The following CDH3 variants were observed in gnomAD, a reference collection of about 807,000 sequenced individuals.
CDH3 encodes cadherin 3, also known as cadherin-3.
In CDH3, 54 loss-of-function variants were observed where a neutral mutation model predicts 82.0. The ratio of observed to expected loss-of-function variants is 0.66; its 90% confidence interval spans 0.53 to 0.83. The LOEUF (loss-of-function observed/expected upper bound fraction) is 0.83, where lower values mean the gene tolerates loss of function less well. Among genes scored for constraint, CDH3 ranks in the 40% least tolerant of loss-of-function variants. The pLI is 0.00. For synonymous variants in CDH3, 446 were observed against 437.9 expected, an observed-to-expected ratio of 1.02 and a Z score of -0.23; for missense variants, 1,054 against 1,084.6, an observed-to-expected ratio of 0.97 and a Z score of 0.40.
Position 68,681,103 on chromosome 16 carries a change from C to T in CDH3, c.996+7C>T. The T allele has an allele frequency of 6.2e-7, 1 of 1,613,764 alleles. No homozygotes were observed. The highest frequency in any genetic ancestry group is 8.5e-7 in the Non-Finnish European group (1 of 1,179,850). Reference sequence around the variant, plus strand: ...CATGTTTGACCCCCAGAAGGTAATGCCCCTTCCTCACTCAGTCCCTCATCA... The same window carrying T: ...CATGTTTGACCCCCAGAAGGTAATGTCCCTTCCTCACTCAGTCCCTCATCA... On this transcript the variant is annotated splice_region_variant and intron_variant, in intron 8 of 15. Transcript: ENST00000264012.
intron 2 of CDH3, among the ~76,000 whole-genome samples, chr16:68,670,223 CAAA>C (rs71148932): frequency 1.8e-4 from 16 of 90,982 alleles, no homozygotes; most frequent in Middle Eastern, 5.7e-3. Flanking sequence ...GACTCTGTCT[CAAA>C]AAAAAAAAAA....
intron 2 of CDH3, among the ~76,000 whole-genome samples, chr16:68,649,959 A>G (rs1960190916): frequency 1.3e-5 from 2 of 152,166 alleles, no homozygotes; most frequent in South Asian, 4.1e-4. Context: ...GCTTGAGCCC[A>G]GTAAGTGGAG....
intron 13 of CDH3, among the ~76,000 whole-genome samples, chr16:68,694,803 G>T (rs760747611): frequency 6.6e-6 from 1 of 152,116 alleles, no homozygotes. Flanking sequence ...ACATCCCGAC[G>T]AAAGGTTTTC....
intron 2 of CDH3, chr16:68,651,113 T>C (rs1960229885): frequency 2.3e-6 from 1 of 437,694 alleles, no homozygotes; most frequent in Admixed American, 2.7e-5. Flanking sequence ...GAGGGAGCCC[T>C]GTTGGCCACT....
At position 68,680,953 on chromosome 16, in the gene CDH3, C is replaced by T; in HGVS notation, c.868-15C>T. 1.4e-5 allele frequency: 23 copies of T among 1,614,032 alleles called. No individual in the cohort carries two copies. Among genetic ancestry groups the T allele is most frequent in the Non-Finnish European group, 1.9e-5 (22 of 1,179,956 alleles). On this transcript the variant is annotated splice_polypyrimidine_tract_variant and intron_variant, in intron 7 of 15. Coordinates refer to ENST00000264012, the MANE Select transcript of CDH3 (RefSeq NM_001793.6). ...ATTAAACTCACAATGGGCTTCCCCT[C>T]TCCTTTCTCCCCAGAAAGTCCCTGA...
intron 2 of CDH3, among the ~76,000 whole-genome samples, chr16:68,725,461 G>C (rs1468295005): frequency 6.6e-6 from 1 of 151,912 alleles, no homozygotes; most frequent in African/African-American, 2.4e-5. Flanking sequence ...AGTCTCCGGA[G>C]TAGCTGGGAC....
rs1245825707 is a variant in CDH3, at chr16:68,679,875, C to T, written c.768C>T (p.Ser256=). The T allele has an allele frequency of 1.2e-6, 2 of 1,613,648 alleles. No individual in the cohort carries two copies. The highest frequency in any genetic ancestry group is 8.5e-7 in the Non-Finnish European group (1 of 1,179,714). The change falls in exon 7 of 16, where the codon TCC becomes TCT. Residue 256 remains serine, a synonymous_variant. Coordinates refer to ENST00000264012, the MANE Select transcript of CDH3 (RefSeq NM_001793.6). ...IYTYNGVVAY[S]IHSQEPKDPH... ...CCTACAATGGGGTGGTTGCTTACTCCATCCATAGCCAAGAACCAAAGGACC... is the reference window on the plus strand; with the variant it reads ...CCTACAATGGGGTGGTTGCTTACTCTATCCATAGCCAAGAACCAAAGGACC...
In CDH3 at chr16:68,675,547, A is replaced by G. The variant is rs561368593; in HGVS notation, c.161-838A>G. ...CGCGGTGGCTCATGCCTGTAATCCC[A>G]GCACTTTGGGAGACCGAGGCGGGTG... On this transcript the variant is annotated intron_variant, in intron 2 of 15. Transcript: ENST00000264012. Among the ~76,000 whole-genome samples, 10 of 152,304 alleles carry G rather than the reference A, an allele frequency of 6.6e-5. No individual in the cohort carries two copies. The East Asian group carries it at 1.9e-3, about 29-fold the overall frequency.
At chr16:68,657,399 A>T (rs1960434238) in intron 2 of CDH3, among the ~76,000 whole-genome samples, 1 of 152,168 alleles carries the variant, frequency 6.6e-6, no homozygotes, top group Non-Finnish European at 1.5e-5. Flanking sequence ...CTGTAATCCC[A>T]GCTACTCGGG....
intron 1 of CDH3, among the ~76,000 whole-genome samples, chr16:68,716,620 CAA>C (rs563385107): frequency 1.9e-5 from 2 of 103,170 alleles, no homozygotes; most frequent in Admixed American, 1.2e-4. Context: ...GACTCCGGCT[CAA>C]AAAAAAAAAA....
At position 68,687,538 on chromosome 16, in the gene CDH3, A is replaced by G; in HGVS notation, c.1597A>G (p.Thr533Ala). Residue 533 changes from threonine (T) to alanine (A), a missense_variant, in exon 12 of 16, where the codon ACC becomes GCC. Physicochemically the swap from Thr to Ala is moderately conservative, Grantham distance 58. Transcript: ENST00000264012. ...AAGCCCTCCCACCACTGGCACGGGA[A>G]CCCTTCTGCTAACACTGATTGATGT... ...NGSPPTTGTGTLLLTLIDVND... is the reference protein window; with the variant it reads ...NGSPPTTGTGALLLTLIDVND... The G allele has an allele frequency of 6.2e-7, 1 of 1,614,054 alleles. No homozygotes were observed. The highest frequency in any genetic ancestry group is 1.1e-5 in the South Asian group (1 of 91,080).
At chr16:68,678,082 A>G in intron 3 of CDH3, 52 bp from the exon 4 acceptor site, 1 of 1,541,178 alleles carries the variant, frequency 6.5e-7, no homozygotes, top group Non-Finnish European at 9.0e-7. Flanking sequence ...GAGGATGTTG[A>G]GCATGTCCCA....
At position 68,680,067 on chromosome 16, in the gene CDH3, G is replaced by A. The variant is rs1961171948; in HGVS notation, c.867+93G>A. 4.0e-6 allele frequency: 5 copies of A among 1,264,990 alleles called. No homozygotes were observed. In the Admixed American group the frequency reaches 6.8e-5, roughly 17 times the overall value. The allele number at this position is 1,264,990 out of a possible 1,614,324, so 78.4% of individuals were successfully genotyped here. ...AGAAGCTCCTATCCCTGCCCACAAAGCCCAAGGCAGAACAGTGAGGACCCA... is the reference window on the plus strand; with the variant it reads ...AGAAGCTCCTATCCCTGCCCACAAAACCCAAGGCAGAACAGTGAGGACCCA... On this transcript the variant is annotated intron_variant, in intron 7 of 15. Coordinates refer to ENST00000264012, the MANE Select transcript of CDH3 (RefSeq NM_001793.6).
intron 10 of CDH3, 135 bp from the exon 11 acceptor site, chr16:68,685,070 G>T: frequency 8.5e-7 from 1 of 1,169,798 alleles, no homozygotes; most frequent in Non-Finnish European, 1.3e-6. Context: ...CCCCGTTTAT[G>T]GGCGAGGTGC....
intron 2 of CDH3, among the ~76,000 whole-genome samples, chr16:68,669,587 A>C (rs1404693880): frequency 2.6e-5 from 4 of 151,032 alleles, no homozygotes; most frequent in African/African-American, 9.8e-5. Context: ...AGACAGCGGG[A>C]AGAGGATTTC....
rs905570842 is a variant in CDH3, at chr16:68,694,416, G to T, written c.2003-839G>T. ...GCAGTTGGATCACTTGAGGGTGGGGGTTCAAGACCAGCCTGGCCAACATGG... is the reference window on the plus strand; with the variant it reads ...GCAGTTGGATCACTTGAGGGTGGGGTTTCAAGACCAGCCTGGCCAACATGG... On this transcript the variant is annotated intron_variant, in intron 13 of 15. Transcript: ENST00000264012. Among the ~76,000 whole-genome samples, 2 of 151,762 alleles carry T rather than the reference G, an allele frequency of 1.3e-5. 1 individual carries two copies. The highest frequency in any genetic ancestry group is 2.9e-5 in the Non-Finnish European group (2 of 67,966).
At chr16:68,700,352 G>A (rs951454479), downstream of CDH3, 6 of 152,208 alleles carry the variant, frequency 3.9e-5, no homozygotes, top group Admixed American at 2.0e-4. Flanking sequence ...CGGAGTTATC[G>A]GTGCCACCTG....
At chr16:68,733,529 G>C in the CDH3 span, among the ~76,000 whole-genome samples, 5 of 152,160 alleles carry the variant, frequency 3.3e-5, no homozygotes, top group African/African-American at 1.2e-4. Context: ...GATCACTTGA[G>C]GTCAGGAGTT....
intron 2 of CDH3, among the ~76,000 whole-genome samples, chr16:68,726,870 C>T (rs1413312918): frequency 1.3e-5 from 2 of 152,122 alleles, no homozygotes; most frequent in Non-Finnish European, 1.5e-5. Context: ...TGAGCCACCG[C>T]GCCCGCCCCA....
Sources: allele counts gnomAD v4.1 joint callset (sites outside exome capture counted in the v4.1 genomes callset), GRCh38; gene constraint gnomAD v4.1.1; transcripts MANE v1.5; gene names NCBI Gene and HGNC (gene_info 2026-07-23, HGNC 2026-07-21).